The following PTS variants were observed in gnomAD, a reference collection of about 807,000 sequenced individuals.
The protein encoded by PTS is 6-pyruvoyltetrahydropterin synthase.
A neutral mutation model predicts 20.6 loss-of-function variants in PTS; 23 were observed. That is an observed-to-expected ratio of 1.12 (90% CI 0.80 to 1.58). The LOEUF is 1.58. PTS is among the 40% of genes most tolerant of loss of function. The probability of loss-of-function intolerance (pLI) is 0.00; values close to 1 mark genes in which losing one functional copy is unlikely to be tolerated. For synonymous variants in PTS, 65 were observed against 62.5 expected, an observed-to-expected ratio of 1.04 and a Z score of -0.19; for missense variants, 186 against 182.4, an observed-to-expected ratio of 1.02 and a Z score of -0.11.
chr11:112,230,787 T>C, intron 4 of PTS, 105 bp downstream of exon 4: 1 of 1,019,312 alleles, frequency 9.8e-7, no homozygotes, highest in Middle Eastern at 2.0e-4. Context: ...TCCATGACTT[T>C]GTGAATAGAA....
chr11:112,233,044 C>A, intron 4 of PTS, 119 bp from the exon 5 acceptor site: 2 of 1,009,376 alleles, frequency 2.0e-6, no homozygotes, highest in Non-Finnish European at 3.2e-6. Context: ...AAATCTAGTA[C>A]TTACAAATAT....
chr11:112,231,167 C>G (rs1411027150), intron 4 of PTS, among the ~76,000 whole-genome samples: 1 of 152,110 alleles, frequency 6.6e-6, no homozygotes, highest in Non-Finnish European at 1.5e-5. Context: ...TGAGCTACTG[C>G]TCCTGGCCTT....
chr11:112,233,651 T>A lies in PTS; in HGVS notation c.*96T>A. The A allele has an allele frequency of 1.8e-5, 29 of 1,575,574 alleles. No homozygotes were observed. Among genetic ancestry groups the A allele is most frequent in the Non-Finnish European group, 2.5e-5 (29 of 1,157,506 alleles). ...TATTAAGAGGTCAACACGTGATTGT[T>A]GTACGTACACATTGTGCTCTGGAGT... On this transcript the variant is annotated 3_prime_UTR_variant, in exon 6 of 6. Transcript: ENST00000280362.
rs1449216377 is a variant in PTS at position 112,228,618 on chromosome 11, C to G, written c.108C>G (p.Asn36Lys). Residue 36 changes from asparagine (N) to lysine (K), a missense_variant, in exon 2 of 6, where the codon AAC becomes AAG. Coordinates refer to ENST00000280362, the MANE Select transcript of PTS (RefSeq NM_000317.3). ...GTAAATTTCTAAGTGATGAAGAAAA[C>G]TTGAAACTGTTTGGGAAATGCAACA... Reference protein sequence around the residue: ...LYSKFLSDEENLKLFGKCNNP... With the variant: ...LYSKFLSDEEKLKLFGKCNNP... 3.2e-6 allele frequency: 5 copies of G among 1,581,416 alleles called. No individual in the cohort carries two copies. Among genetic ancestry groups the G allele is most frequent in the Non-Finnish European group, 4.3e-6 (5 of 1,162,984 alleles).
chr11:112,231,881 G>A (rs779058620), intron 4 of PTS, among the ~76,000 whole-genome samples: 1 of 144,202 alleles, frequency 6.9e-6, no homozygotes, highest in Non-Finnish European at 1.5e-5. Context: ...GAGAGAGAGA[G>A]GGAGACAGAG....
chr11:112,230,180 T>G, intron 2 of PTS, 28 bp from the exon 3 acceptor site: 1 of 1,607,190 alleles, frequency 6.2e-7, no homozygotes, highest in Non-Finnish European at 8.5e-7. Flanking sequence ...TCATGCTGTT[T>G]TTTTTGTATT....
At chr11:112,230,169 G>A in intron 2 of PTS, 39 bp from the exon 3 acceptor site, 1 of 1,596,270 alleles carries the variant, frequency 6.3e-7, no homozygotes, top group Non-Finnish European at 8.6e-7. Flanking sequence ...TCTGTTGAAA[G>A]TCATGCTGTT....
chr11:112,233,392 C>A, intron 5 of PTS, 40 bp from the exon 6 acceptor site: 1 of 1,562,552 alleles, frequency 6.4e-7, no homozygotes, highest in African/African-American at 1.4e-5. Flanking sequence ...TTATTGTTTG[C>A]ATTTTGAATT....
intron 4 of PTS, among the ~76,000 whole-genome samples, chr11:112,231,019 T>TA (rs1350408407): frequency 2.1e-5 from 3 of 145,160 alleles, no homozygotes; most frequent in African/African-American, 7.9e-5. Flanking sequence ...ACTGTCTTTC[T>TA]TTTTTTTTTT....
In PTS at chr11:112,230,655, T is replaced by A. The variant is rs200279736; in HGVS notation, c.216T>A (p.Asn72Lys). 3 of 1,611,252 alleles carry A rather than the reference T, an allele frequency of 1.9e-6. No homozygotes were observed. The highest frequency in any genetic ancestry group is 2.5e-6 in the Non-Finnish European group (3 of 1,177,476). The change falls in exon 4 of 6, where the codon AAT becomes AAA. Residue 72 changes from asparagine (N) to lysine (K), a missense_variant. Asn to Lys is a moderately conservative substitution (Grantham distance 94). Transcript: ENST00000280362. ...EIDPATGMVM[N>K]LADLKKYMEE... ...ACCCTGCTACGGGAATGGTTATGAATCTGGCTGATCTCAAAAAATATATGG... is the reference window on the plus strand; with the variant it reads ...ACCCTGCTACGGGAATGGTTATGAAACTGGCTGATCTCAAAAAATATATGG...
Position 112,226,440 on chromosome 11 carries a change from G to A in PTS, c.-4G>A, listed in dbSNP as rs1592877919. 1 of 1,577,816 alleles carries A rather than the reference G, an allele frequency of 6.3e-7. No homozygotes were observed. Among genetic ancestry groups the A allele is most frequent in the Non-Finnish European group, 8.6e-7 (1 of 1,163,836 alleles). On this transcript the variant is annotated 5_prime_UTR_variant, in exon 1 of 6. Coordinates refer to ENST00000280362, the MANE Select transcript of PTS (RefSeq NM_000317.3). ...GGCCGAGCACCGCAGACAGCGCCGG[G>A]AAGATGAGCACGGAAGGTGGTGGCC...
chr11:112,227,531 G>C (rs1158619161), intron 1 of PTS, among the ~76,000 whole-genome samples: 1 of 152,090 alleles, frequency 6.6e-6, no homozygotes, highest in Non-Finnish European at 1.5e-5. Flanking sequence ...GGTTCTGCAG[G>C]CTGTACAAGA....
intron 2 of PTS, chr11:112,229,050 A>T (rs949314322): frequency 2.6e-5 from 6 of 231,160 alleles, no homozygotes; most frequent in Non-Finnish European, 5.1e-5. Context: ...AATGTATGGC[A>T]GAAAAATAGG....
chr11:112,230,039 T>C (rs1196439165), intron 2 of PTS, 169 bp from the exon 3 acceptor site: 2 of 707,632 alleles, frequency 2.8e-6, no homozygotes, highest in East Asian at 5.4e-5. Flanking sequence ...AAAAAAAAAA[T>C]CTTAACTAAA....
At chr11:112,227,023 T>C (rs1309473179) in intron 1 of PTS, among the ~76,000 whole-genome samples, 1 of 144,982 alleles carries the variant, frequency 6.9e-6, no homozygotes, top group Non-Finnish European at 1.5e-5. Context: ...TACCAAAGAC[T>C]GGATGAACCC....
At chr11:112,230,488 T>G in intron 3 of PTS, 138 bp from the exon 4 acceptor site, 1 of 854,398 alleles carries the variant, frequency 1.2e-6, no homozygotes, top group Admixed American at 1.9e-5. Context: ...CATGCTGAGG[T>G]CAATGATTAT....
At chr11:112,230,072 TATTTA>T in intron 2 of PTS, 131 bp from the exon 3 acceptor site, 2 of 887,232 alleles carry the variant, frequency 2.3e-6, no homozygotes, top group South Asian at 1.4e-5. Context: ...TTGGGGTAAA[TATTTA>T]AGTATAGCTT....
chr11:112,233,132 CAAT>C, intron 4 of PTS, 28 bp from the exon 5 acceptor site: 4 of 1,587,988 alleles, frequency 2.5e-6, no homozygotes, highest in Non-Finnish European at 3.5e-6. Context: ...TAAATGGAGT[CAAT>C]GATATTTTCC....
At chr11:112,227,155 G>A (rs937578866) in intron 1 of PTS, among the ~76,000 whole-genome samples, 2 of 151,676 alleles carry the variant, frequency 1.3e-5, no homozygotes, top group Non-Finnish European at 2.9e-5. Flanking sequence ...ATGCACTGAC[G>A]AGTTGATTTT....
Sources: gnomAD v4.1 joint callset for allele counts (sites outside exome capture counted in the v4.1 genomes callset) on GRCh38, gnomAD v4.1.1 for gene constraint, MANE v1.5 for transcripts, NCBI Gene and HGNC (gene_info 2026-07-23, HGNC 2026-07-21) for gene names.